The following NCOA2 variants were observed in gnomAD, a reference collection of about 807,000 sequenced individuals.
NCOA2 encodes the protein class E basic helix-loop-helix protein 75.
NCOA2 carries 21 observed loss-of-function variants against 145.1 expected under a neutral mutation model. The observed-to-expected ratio is 0.14, with a 90% confidence interval of 0.10 to 0.21. The LOEUF is 0.21. Ranked by LOEUF, NCOA2 falls within the 10% of genes least tolerant of loss-of-function variation. The pLI is 1.00. For synonymous variants in NCOA2, 619 were observed against 637.5 expected, an observed-to-expected ratio of 0.97 and a Z score of 0.44; for missense variants, 1,472 against 1,837.6, an observed-to-expected ratio of 0.80 and a Z score of 3.64.
At chr8:70,347,437 A>T (rs955502449) in intron 1 of NCOA2, among the ~76,000 whole-genome samples, 2 of 151,782 alleles carry the variant, frequency 1.3e-5, no homozygotes, top group Non-Finnish European at 2.9e-5. Context: ...GTGAGCCAAG[A>T]TCGTGCCATT....
At chr8:70,303,968 A>G (rs1827687619) in intron 1 of NCOA2, among the ~76,000 whole-genome samples, 1 of 152,078 alleles carries the variant, frequency 6.6e-6, no homozygotes, top group Non-Finnish European at 1.5e-5. Flanking sequence ...TTTTCTCCCA[A>G]TAGTGTGGAT....
intron 15 of NCOA2, among the ~76,000 whole-genome samples, chr8:70,132,730 ATT>A (rs1418449361): frequency 6.6e-6 from 1 of 151,992 alleles, no homozygotes; most frequent in Non-Finnish European, 1.5e-5. Context: ...CGCCTGGCTA[ATT>A]TTTTGTATTT....
At chr8:70,405,906 C>G (rs1363347046), upstream of NCOA2, among the ~76,000 whole-genome samples, 1 of 152,160 alleles carries the variant, frequency 6.6e-6, no homozygotes, top group Non-Finnish European at 1.5e-5. Context: ...ACAAAAACGT[C>G]TGACAGCATA....
chr8:70,452,628 T>C, the NCOA2 span, among the ~76,000 whole-genome samples: 1 of 152,070 alleles, frequency 6.6e-6, no homozygotes, highest in African/African-American at 2.4e-5. Context: ...CTAGATAGAA[T>C]TGAAGTTTGT....
intron 2 of NCOA2, among the ~76,000 whole-genome samples, chr8:70,291,702 GCT>G (rs1299318415): frequency 1.3e-5 from 2 of 152,178 alleles, no homozygotes; most frequent in East Asian, 3.8e-4. Flanking sequence ...CACTCTGAGA[GCT>G]CTGTTAACAC....
chr8:70,232,807 A>G (rs1443153580), intron 2 of NCOA2, among the ~76,000 whole-genome samples: 3 of 151,268 alleles, frequency 2.0e-5, no homozygotes, highest in African/African-American at 4.9e-5. Flanking sequence ...AGACCTGTCT[A>G]AAGAATACAA....
At chr8:70,184,103 G>A (rs929085529) in intron 4 of NCOA2, among the ~76,000 whole-genome samples, 1 of 152,072 alleles carries the variant, frequency 6.6e-6, no homozygotes, top group Non-Finnish European at 1.5e-5. Flanking sequence ...GGTAGAGATG[G>A]GATGAGAAAA....
chr8:70,351,364 G>A (rs1382004540), intron 1 of NCOA2, among the ~76,000 whole-genome samples: 1 of 152,078 alleles, frequency 6.6e-6, no homozygotes, highest in Non-Finnish European at 1.5e-5. Context: ...TCAACTGATT[G>A]TACTTGTTTG....
At chr8:70,151,856 C>T (rs1811791544) in intron 11 of NCOA2, among the ~76,000 whole-genome samples, 1 of 152,052 alleles carries the variant, frequency 6.6e-6, no homozygotes, top group Non-Finnish European at 1.5e-5. Context: ...ATATCTATAC[C>T]CCTCAGGTTA....
chr8:70,446,942 C>T, the NCOA2 span, among the ~76,000 whole-genome samples: 1 of 152,316 alleles, frequency 6.6e-6, no homozygotes, highest in African/African-American at 2.4e-5. Flanking sequence ...GCCTGCTCAG[C>T]AATTCTAGGC....
chr8:70,143,026 T>C (rs138163818), intron 13 of NCOA2, among the ~76,000 whole-genome samples: 7,429 of 151,382 alleles, frequency 0.049, 273 homozygotes, highest in East Asian at 0.16. Context: ...CTCGGCTCAC[T>C]ACAACCTCCG....
intron 1 of NCOA2, among the ~76,000 whole-genome samples, chr8:70,365,887 C>A (rs757968233): frequency 6.6e-6 from 1 of 152,290 alleles, no homozygotes; most frequent in Non-Finnish European, 1.5e-5. Context: ...AGCAAAACCA[C>A]AGGTGCAAGA....
chr8:70,436,630 T>C, the NCOA2 span, among the ~76,000 whole-genome samples: 601 of 152,356 alleles, frequency 3.9e-3, 5 homozygotes, highest in African/African-American at 0.014. Context: ...ATAGAACTAC[T>C]AAAGGCTTTA....
chr8:70,369,867 C>A (rs544215132), intron 1 of NCOA2, among the ~76,000 whole-genome samples: 1 of 151,786 alleles, frequency 6.6e-6, no homozygotes, highest in South Asian at 2.1e-4. Context: ...CAGAATAGTG[C>A]CTCATTAATC....
At chr8:70,446,286 C>T in the NCOA2 span, among the ~76,000 whole-genome samples, 1 of 152,124 alleles carries the variant, frequency 6.6e-6, no homozygotes, top group Non-Finnish European at 1.5e-5. Context: ...TTTATCGGCT[C>T]CAGGGCTGGG....
At chr8:70,447,682 C>CTTTTTTTTTTTTTTTTT in the NCOA2 span, among the ~76,000 whole-genome samples, 21 of 113,090 alleles carry the variant, frequency 1.9e-4, 3 homozygotes, top group African/African-American at 5.9e-4. Flanking sequence ...TCTTTGTTTT[C>CTTTTTTTTTTTTTTTTT]TTTTTTTTTT....
At chr8:70,278,663 T>C (rs1039698127) in intron 2 of NCOA2, among the ~76,000 whole-genome samples, 5 of 152,128 alleles carry the variant, frequency 3.3e-5, no homozygotes, top group Non-Finnish European at 7.4e-5. Flanking sequence ...GGACAGGGCA[T>C]TCATTCTAAA....
intron 1 of NCOA2, among the ~76,000 whole-genome samples, chr8:70,314,812 T>C (rs1805455896): frequency 6.6e-6 from 1 of 152,350 alleles, no homozygotes; most frequent in East Asian, 1.9e-4. Flanking sequence ...TTGAACCATG[T>C]TTCCTAAGGC....
rs754072077 is a variant in NCOA2, at chr8:70,156,379, C to T, written c.1986G>A (p.Ser662=). ...TACCTGTGGAGTCTTTGTTTGTATCCGACAAAGAGCTGGCTAAGGGCGAGG... is the reference window on the plus strand; with the variant it reads ...TACCTGTGGAGTCTTTGTTTGTATCTGACAAAGAGCTGGCTAAGGGCGAGG... ...MEPSPLASSL[S]DTNKDSTGSL... is the part of the protein sequence containing the mutation. The change falls in exon 11 of 23, where the codon TCG becomes TCA. Residue 662 remains serine (S), a synonymous_variant. Transcript: ENST00000452400. 94 of 1,613,796 alleles carry T rather than the reference C, an allele frequency of 5.8e-5. No individual in the cohort carries two copies. Among genetic ancestry groups the T allele is most frequent in the Non-Finnish European group, 7.4e-5 (87 of 1,179,890 alleles).
Sources: gnomAD v4.1 joint callset for allele counts (sites outside exome capture counted in the v4.1 genomes callset) on GRCh38, gnomAD v4.1.1 for gene constraint, MANE v1.5 for transcripts, NCBI Gene and HGNC (gene_info 2026-07-23, HGNC 2026-07-21) for gene names.